Variants in ZNF487 observed in about 807,000 individuals in gnomAD.
The protein encoded by ZNF487 is KRAB domain only 1.
Under a neutral mutation model 3.0 loss-of-function variants are expected in ZNF487, and 4 were observed. That is an observed-to-expected ratio of 1.35 (90% CI 0.66 to 3.08). The LOEUF (loss-of-function observed/expected upper bound fraction) is 3.08, where lower values mean the gene tolerates loss of function less well. ZNF487 is among the 30% of genes most tolerant of loss of function. The pLI, the probability that ZNF487 is intolerant of heterozygous loss-of-function variation, is 0.01. For missense variants in ZNF487, 146 were observed against 98.7 expected (o/e 1.48, Z -2.03); for synonymous variants, 55 against 34.6 (o/e 1.59, Z -2.06).
chr10:43,515,870 G>A, the ZNF487 span, among the ~76,000 whole-genome samples: 162 of 152,230 alleles, frequency 1.1e-3, no homozygotes, highest in Non-Finnish European at 1.8e-3. Flanking sequence ...TGCCTCCAGG[G>A]TTCAAGTGAT....
the ZNF487 span, among the ~76,000 whole-genome samples, chr10:43,504,379 C>T: frequency 4.8e-5 from 7 of 146,954 alleles, no homozygotes; most frequent in South Asian, 4.3e-4. Context: ...CTGCAACCTC[C>T]GCCTCCCAGG....
At chr10:43,476,369 GTTA>G (rs1392801774) in intron 3 of ZNF487, among the ~76,000 whole-genome samples, 167 bp downstream of exon 3, 2 of 152,178 alleles carry the variant, frequency 1.3e-5, no homozygotes, top group Non-Finnish European at 2.9e-5. Context: ...AGATGTATAT[GTTA>G]TTACACACTA....
At chr10:43,444,154 C>T (rs1301480007) in intron 1 of ZNF487, among the ~76,000 whole-genome samples, 1 of 152,074 alleles carries the variant, frequency 6.6e-6, no homozygotes, top group East Asian at 1.9e-4. Context: ...CGCCCGGCTC[C>T]TAAAAGTTTT....
chr10:43,490,293 A>G, the ZNF487 span, among the ~76,000 whole-genome samples: 1 of 152,090 alleles, frequency 6.6e-6, no homozygotes, highest in Admixed American at 6.6e-5. Flanking sequence ...TGGAGGTTGC[A>G]GTGAGCTGAG....
chr10:43,495,842 C>T, the ZNF487 span, among the ~76,000 whole-genome samples: 1 of 152,108 alleles, frequency 6.6e-6, no homozygotes, highest in Non-Finnish European at 1.5e-5. Flanking sequence ...GGTTAAGGTA[C>T]TTTTGTGATT....
At chr10:43,444,705 A>G (rs1420373304) in intron 1 of ZNF487, among the ~76,000 whole-genome samples, 1 of 152,036 alleles carries the variant, frequency 6.6e-6, no homozygotes, top group Non-Finnish European at 1.5e-5. Context: ...AGTGGCTGGG[A>G]CCACAGGCGC....
chr10:43,453,552 G>GA (rs1410470139), intron 1 of ZNF487: 1 of 152,156 alleles, frequency 6.6e-6, no homozygotes, highest in Non-Finnish European at 1.5e-5. Flanking sequence ...GTTATGGGGG[G>GA]AGAGTTCTGC....
At chr10:43,471,220 G>A (rs1395183970) in intron 1 of ZNF487, among the ~76,000 whole-genome samples, 1 of 152,164 alleles carries the variant, frequency 6.6e-6, no homozygotes, top group African/African-American at 2.4e-5. Context: ...GATGGAGCAC[G>A]TGAGTGAGTG....
At chr10:43,445,996 G>A (rs1306200582) in intron 1 of ZNF487, among the ~76,000 whole-genome samples, 2 of 152,206 alleles carry the variant, frequency 1.3e-5, no homozygotes, top group African/African-American at 4.8e-5. Context: ...GGGGTTGGGA[G>A]TAAGGTTATA....
At position 43,482,419 on chromosome 10, in the gene ZNF487, C is replaced by T; in HGVS notation, c.*497C>T. 2.1e-6 allele frequency: 1 copy of T among 470,266 alleles called. No homozygotes were observed. The highest frequency in any genetic ancestry group is 1.5e-5 in the South Asian group (1 of 64,932). The allele number at this position is 470,266 out of a possible 1,614,324, so 29.1% of individuals were successfully genotyped here. On this transcript the variant is annotated 3_prime_UTR_variant, in exon 4 of 4. Coordinates refer to ENST00000437590, the MANE Select transcript of ZNF487 (RefSeq NM_001355444.3). The stretch of plus-strand genomic sequence containing the variant: ...ACAGAGGAGAGAAACCCTATGAATG[C>T]ACTGAATGTGGGAAAACTTTTGGAT...
chr10:43,471,854 T>G (rs904202601), intron 1 of ZNF487, among the ~76,000 whole-genome samples: 5 of 152,164 alleles, frequency 3.3e-5, no homozygotes, highest in African/African-American at 1.2e-4. Flanking sequence ...AAGACACCAC[T>G]CAATGGTGGG....
intron 1 of ZNF487, among the ~76,000 whole-genome samples, chr10:43,446,564 G>C (rs1181545335): frequency 6.6e-6 from 1 of 151,544 alleles, no homozygotes; most frequent in South Asian, 2.1e-4. Flanking sequence ...AGACGGGGCG[G>C]CCGGGCAGAG....
chr10:43,496,204 G>C, the ZNF487 span: 1 of 427,690 alleles, frequency 2.3e-6, no homozygotes, highest in Non-Finnish European at 4.8e-6. Context: ...GTTGATATAC[G>C]TGATCCTTTA....
At chr10:43,478,862 A>C (rs1227212846) in intron 3 of ZNF487, among the ~76,000 whole-genome samples, 1 of 151,808 alleles carries the variant, frequency 6.6e-6, no homozygotes, top group East Asian at 1.9e-4. Flanking sequence ...CAGTGGACCC[A>C]AATTTAGCTT....
chr10:43,471,013 G>A (rs762811972), intron 1 of ZNF487, among the ~76,000 whole-genome samples: 1 of 151,912 alleles, frequency 6.6e-6, no homozygotes, highest in Non-Finnish European at 1.5e-5. Context: ...TTGTAGAGAC[G>A]GGGTTTCACC....
At chr10:43,493,164 A>G in the ZNF487 span, among the ~76,000 whole-genome samples, 2 of 152,148 alleles carry the variant, frequency 1.3e-5, no homozygotes, top group Admixed American at 6.6e-5. Flanking sequence ...TGGGAGGCGG[A>G]GGTTGCGGTG....
the ZNF487 span, among the ~76,000 whole-genome samples, chr10:43,493,245 AAAC>A: frequency 4.1e-4 from 63 of 152,204 alleles, no homozygotes; most frequent in East Asian, 0.01. Context: ...ACAAACAAAC[AAAC>A]AACAACAACA....
In ZNF487 at chr10:43,481,460, G is replaced by C. The variant is rs1281903500; in HGVS notation, c.162G>C (p.Lys54Asn). The change falls in exon 4 of 4, where the codon AAG (lysine) becomes AAC (asparagine). Residue 54 changes from lysine to asparagine, a missense_variant. Physicochemically the swap from Lys to Asn is moderately conservative, Grantham distance 94 (BLOSUM62 0). Coordinates refer to ENST00000437590, the MANE Select transcript of ZNF487 (RefSeq NM_001355444.3). ...GCATAGATGATGACCTGATGGAGAA[G>C]AGACAGGAAAATCAAGACCAGCATT... ...DCCIDDDLME[K>N]RQENQDQHLQ... 1 of 716,654 alleles carries C rather than the reference G, an allele frequency of 1.4e-6. No homozygotes were observed. Among genetic ancestry groups the C allele is most frequent in the East Asian group, 2.7e-5 (1 of 37,274 alleles). 44.4% of individuals were successfully genotyped at this position (716,654 alleles called of 1,614,324 possible).
At chr10:43,436,936 G>A (rs542158384), upstream of ZNF487, 12 of 466,732 alleles carry the variant, frequency 2.6e-5, no homozygotes, top group African/African-American at 2.4e-4. Context: ...GAAGGCTGGG[G>A]TAAGAGTCCG....
Sources: allele counts gnomAD v4.1 joint callset (sites outside exome capture counted in the v4.1 genomes callset), GRCh38; gene constraint gnomAD v4.1.1; transcripts MANE v1.5; gene names NCBI Gene and HGNC (gene_info 2026-07-23, HGNC 2026-07-21).